The following DDX10 variants were observed in gnomAD, a reference collection of about 807,000 sequenced individuals.
DDX10 encodes the protein DEAD-box helicase 10, also known as probable ATP-dependent RNA helicase DDX10.
DDX10 carries 74 observed loss-of-function variants against 104.3 expected under a neutral mutation model. The observed-to-expected ratio is 0.71, with a 90% CI of 0.59 to 0.86. The LOEUF (loss-of-function observed/expected upper bound fraction) is 0.86. DDX10 is among the 40% of genes least tolerant of loss of function. The pLI is 0.00. For synonymous variants in DDX10, 351 were observed against 353.4 expected, an observed-to-expected ratio of 0.99 and a Z score of 0.08; for missense variants, 952 against 1,040.0, an observed-to-expected ratio of 0.92 and a Z score of 1.16.
chr11:108,848,949 T>C (rs1056678663), intron 15 of DDX10, among the ~76,000 whole-genome samples: 1 of 152,192 alleles, frequency 6.6e-6, no homozygotes, highest in African/African-American at 2.4e-5. Flanking sequence ...TCGGTAAATA[T>C]TCAAAGGATT....
intron 6 of DDX10, among the ~76,000 whole-genome samples, chr11:108,687,562 A>G (rs933410065): frequency 4.6e-5 from 7 of 152,032 alleles, no homozygotes; most frequent in East Asian, 1.9e-4. Context: ...TTTTTTATCT[A>G]CATATCCTCT....
At chr11:108,754,218 T>C (rs2094341897) in intron 13 of DDX10, among the ~76,000 whole-genome samples, 1 of 152,088 alleles carries the variant, frequency 6.6e-6, no homozygotes, top group Non-Finnish European at 1.5e-5. Context: ...GTTTCTAGTA[T>C]ACAGTATAGA....
intron 13 of DDX10, among the ~76,000 whole-genome samples, chr11:108,746,207 A>G (rs1474456934): frequency 6.6e-6 from 1 of 152,146 alleles, no homozygotes; most frequent in Non-Finnish European, 1.5e-5. Flanking sequence ...CATTTCCTTC[A>G]GACATAAGTA....
chr11:108,794,254 A>C (rs1215689883), intron 13 of DDX10, among the ~76,000 whole-genome samples: 1 of 151,476 alleles, frequency 6.6e-6, no homozygotes, highest in Non-Finnish European at 1.5e-5. Context: ...TTTTTTTGAG[A>C]GATCTCCATA....
intron 16 of DDX10, among the ~76,000 whole-genome samples, chr11:108,877,719 T>C (rs1335939526): frequency 6.6e-6 from 1 of 152,210 alleles, no homozygotes; most frequent in African/African-American, 2.4e-5. Context: ...CAGACTTCAC[T>C]ATGGGAATCC....
chr11:108,724,578 A>AAT (rs1261948128), intron 13 of DDX10, among the ~76,000 whole-genome samples: 1 of 152,128 alleles, frequency 6.6e-6, no homozygotes, highest in Non-Finnish European at 1.5e-5. Context: ...GATCATTTTA[A>AAT]GTCTGTAGTT....
chr11:108,748,496 G>A (rs2094334512), intron 13 of DDX10, among the ~76,000 whole-genome samples: 1 of 152,114 alleles, frequency 6.6e-6, no homozygotes, highest in Non-Finnish European at 1.5e-5. Flanking sequence ...AGTTCACGTG[G>A]TATATTCATA....
chr11:108,825,161 T>C (rs1004890979), intron 13 of DDX10, among the ~76,000 whole-genome samples: 9 of 152,084 alleles, frequency 5.9e-5, no homozygotes, highest in Non-Finnish European at 1.2e-4. Flanking sequence ...TATAAAGAGG[T>C]GTCTTAAAAT....
intron 9 of DDX10, among the ~76,000 whole-genome samples, chr11:108,697,585 A>T (rs1490281627): frequency 6.6e-6 from 1 of 152,066 alleles, no homozygotes; most frequent in East Asian, 1.9e-4. Context: ...ATTCCTTTTG[A>T]TCTATAGCAG....
Position 108,751,619 on chromosome 11 carries a change from T to C in DDX10, c.1965+28157T>C, listed in dbSNP as rs1471553155. Among the ~76,000 whole-genome samples the C allele has an allele frequency of 2.0e-5, 3 of 152,186 alleles. No individual in the cohort carries two copies. In the East Asian group the frequency reaches 5.8e-4, roughly 29 times the overall value. ...TTATCAGACTGCCGAAGGGGGCCTA[T>C]GACAAGAGGAAGAGGCTGAGAGTGA... On this transcript the variant is annotated intron_variant, in intron 13 of 17. Coordinates refer to ENST00000322536, the MANE Select transcript of DDX10 (RefSeq NM_004398.4).
In DDX10 at chr11:108,687,207, C is replaced by T. The variant is rs577125628; in HGVS notation, c.849-1729C>T. 3.9e-5 allele frequency among the ~76,000 whole-genome samples: 6 copies of T among 152,318 alleles called. No homozygotes were observed. In the South Asian group the frequency reaches 1.0e-3, roughly 26 times the overall value. On this transcript the variant is annotated intron_variant, in intron 6 of 17. Coordinates refer to ENST00000322536, the MANE Select transcript of DDX10 (RefSeq NM_004398.4). ...CCACATCCTTGCCAGCGTTTGGTGTCGTCACTGTTCTGGATTTTGGCCATC... is the reference window on the plus strand; with the variant it reads ...CCACATCCTTGCCAGCGTTTGGTGTTGTCACTGTTCTGGATTTTGGCCATC...
chr11:108,899,146 A>G (rs1444514859), intron 16 of DDX10, among the ~76,000 whole-genome samples: 1 of 151,878 alleles, frequency 6.6e-6, no homozygotes, highest in Non-Finnish European at 1.5e-5. Flanking sequence ...AACTGCCTGT[A>G]GTTTCTGATC....
At chr11:108,719,926 G>A (rs1199762782) in intron 12 of DDX10, 41 bp downstream of exon 12, 2 of 1,177,412 alleles carry the variant, frequency 1.7e-6, no homozygotes, top group East Asian at 2.3e-5. Flanking sequence ...AATCCTCAAG[G>A]TTAGAGGGAA....
intron 1 of DDX10, among the ~76,000 whole-genome samples, chr11:108,673,071 T>C (rs1488860267): frequency 6.6e-6 from 1 of 152,358 alleles, no homozygotes; most frequent in East Asian, 1.9e-4. Context: ...ACTATTTTCA[T>C]TGTGATCTGT....
At chr11:108,876,062 A>G (rs1863150310) in intron 16 of DDX10, among the ~76,000 whole-genome samples, 1 of 152,186 alleles carries the variant, frequency 6.6e-6, no homozygotes, top group Admixed American at 6.5e-5. Flanking sequence ...TTTGAAAAGT[A>G]TTAGGTTGAA....
intron 13 of DDX10, among the ~76,000 whole-genome samples, chr11:108,771,777 G>A (rs1179330476): frequency 2.0e-5 from 3 of 152,194 alleles, no homozygotes; most frequent in Admixed American, 6.5e-5. Context: ...AGTTGTAGTC[G>A]TTCTTGTTAG....
At chr11:108,906,735 G>C (rs1173259727) in intron 16 of DDX10, among the ~76,000 whole-genome samples, 1 of 152,170 alleles carries the variant, frequency 6.6e-6, no homozygotes, top group African/African-American at 2.4e-5. Flanking sequence ...TCAATAAGAT[G>C]CACCATTATT....
chr11:108,696,741 T>C (rs2094260425), intron 9 of DDX10, among the ~76,000 whole-genome samples: 1 of 152,212 alleles, frequency 6.6e-6, no homozygotes, highest in African/African-American at 2.4e-5. Flanking sequence ...ATATCTTTAA[T>C]ATAGTGTATT....
In DDX10 at chr11:108,691,871, C is replaced by T. The variant is rs1451732113; in HGVS notation, c.976-5C>T. On this transcript the variant is annotated splice_region_variant and splice_polypyrimidine_tract_variant and intron_variant, in intron 7 of 17. Coordinates refer to ENST00000322536, the MANE Select transcript of DDX10 (RefSeq NM_004398.4). The stretch of plus-strand genomic sequence containing the variant: ...AGCAAACTTATTCTTCTGTTGATGC[C>T]CCAGGTCCAGTATCTGTACCGAGTG... 1 of 1,610,804 alleles carries T rather than the reference C, an allele frequency of 6.2e-7. No individual in the cohort carries two copies. Among genetic ancestry groups the T allele is most frequent in the African/African-American group, 1.3e-5 (1 of 74,908 alleles).
Sources: gnomAD v4.1 joint callset for allele counts (sites outside exome capture counted in the v4.1 genomes callset) on GRCh38, gnomAD v4.1.1 for gene constraint, MANE v1.5 for transcripts, NCBI Gene and HGNC (gene_info 2026-07-23, HGNC 2026-07-21) for gene names.